SLC5A3: variants seen among roughly 807,000 people sequenced by gnomAD.
The protein encoded by SLC5A3 is sodium/myo-inositol cotransporter.
In SLC5A3, 10 loss-of-function variants were observed where a neutral mutation model predicts 43.2. The ratio of observed to expected loss-of-function variants is 0.23; its 90% CI spans 0.14 to 0.39. The LOEUF (loss-of-function observed/expected upper bound fraction) is 0.39. Among genes scored for constraint, SLC5A3 ranks in the 10% least tolerant of loss-of-function variants. The pLI, the probability that SLC5A3 is intolerant of heterozygous loss-of-function variation, is 1.00. For missense variants in SLC5A3, 608 were observed against 893.4 expected, an observed-to-expected ratio of 0.68 and a Z score of 4.07; for synonymous variants, 349 against 322.0, an observed-to-expected ratio of 1.08 and a Z score of -0.90.
chr21:34,099,225 AT>A lies in SLC5A3; in HGVS notation c.*1873del. Reference sequence around the variant, plus strand: ...CTCAATTTTATTCTTGAGGTTTATAATTTGGGGGCCAAATAGATAGAGCTCA... The same window carrying A: ...CTCAATTTTATTCTTGAGGTTTATAATTGGGGGCCAAATAGATAGAGCTCA... On this transcript the variant is annotated 3_prime_UTR_variant, in exon 2 of 2. Coordinates refer to ENST00000381151, the MANE Select transcript of SLC5A3 (RefSeq NM_006933.7). The A allele has an allele frequency of 1.0e-6, 1 of 1,000,150 alleles. No homozygotes were observed. The highest frequency in any genetic ancestry group is 1.7e-5 in the African/African-American group (1 of 57,324). 62.0% of individuals were successfully genotyped at this position (1,000,150 alleles called of 1,614,324 possible). A position where few individuals can be genotyped will look rare whatever the true frequency, so the allele number is the denominator to read the frequency against.
chr21:34,089,122 G>T (rs559778216), intron 1 of SLC5A3, among the ~76,000 whole-genome samples: 2 of 152,142 alleles, frequency 1.3e-5, no homozygotes, highest in Non-Finnish European at 2.9e-5. Flanking sequence ...CACCTCTCTG[G>T]GTTCAAGCGA....
chr21:34,075,018 G>C (rs773719864), intron 1 of SLC5A3, among the ~76,000 whole-genome samples: 3 of 152,208 alleles, frequency 2.0e-5, no homozygotes, highest in African/African-American at 7.2e-5. Context: ...GATAGTATCT[G>C]TTCAGCCTCT....
chr21:34,101,707 TGAG>T lies in SLC5A3; in HGVS notation c.*4355_*4357del. 1.0e-6 allele frequency: 1 copy of T among 998,790 alleles called. No homozygotes were observed. The highest frequency in any genetic ancestry group is 1.2e-6 in the Non-Finnish European group (1 of 828,734). 61.9% of individuals were successfully genotyped at this position (998,790 alleles called of 1,614,324 possible). ...TGAAAGTGATGTTTTGCCCCAGTAT[TGAG>T]GACTTTTAGATCCAAATAATGACTC... On this transcript the variant is annotated 3_prime_UTR_variant, in exon 2 of 2. Transcript: ENST00000381151.
intron 1 of SLC5A3, among the ~76,000 whole-genome samples, chr21:34,094,481 C>T (rs1030679308): frequency 2.6e-5 from 4 of 151,998 alleles, no homozygotes; most frequent in Non-Finnish European, 5.9e-5. Context: ...ATTTTTGTGC[C>T]CTTATTACGA....
chr21:34,084,410 A>T (rs1202909725), intron 1 of SLC5A3, among the ~76,000 whole-genome samples: 1 of 152,298 alleles, frequency 6.6e-6, no homozygotes. Context: ...AAAAACACAA[A>T]GTTGACCTGG....
intron 1 of SLC5A3, among the ~76,000 whole-genome samples, chr21:34,083,662 T>C (rs1280667318): frequency 6.6e-6 from 1 of 152,224 alleles, no homozygotes; most frequent in African/African-American, 2.4e-5. Flanking sequence ...GTATGAAGTA[T>C]AGTATCTTGA....
intron 1 of SLC5A3, among the ~76,000 whole-genome samples, chr21:34,082,156 A>G (rs558367514): frequency 6.6e-6 from 1 of 151,966 alleles, no homozygotes; most frequent in African/African-American, 2.4e-5. Flanking sequence ...TGTAATCTAG[A>G]TATTCAGATA....
Position 34,098,769 on chromosome 21 carries a change from C to T in SLC5A3, c.*1414C>T. On this transcript the variant is annotated 3_prime_UTR_variant, in exon 2 of 2. Coordinates refer to ENST00000381151, the MANE Select transcript of SLC5A3 (RefSeq NM_006933.7). ...ACTTGCAGCTAGTGGGTACAGGGTA[C>T]AAAAGATGTTAGAGAAAAGCTCTAC... 1.0e-6 allele frequency: 1 copy of T among 1,000,166 alleles called. No homozygotes were observed. Among genetic ancestry groups the T allele is most frequent in the Non-Finnish European group, 1.2e-6 (1 of 829,970 alleles). 62.0% of individuals were successfully genotyped at this position (1,000,166 alleles called of 1,614,324 possible). A position where few individuals can be genotyped will look rare whatever the true frequency, so the allele number is the denominator to read the frequency against.
Position 34,097,542 on chromosome 21 carries a change from T to G in SLC5A3, c.*187T>G. 7.2e-7 allele frequency: 1 copy of G among 1,381,672 alleles called. No individual in the cohort carries two copies. Among genetic ancestry groups the G allele is most frequent in the Non-Finnish European group, 9.4e-7 (1 of 1,065,098 alleles). 85.6% of individuals were successfully genotyped at this position (1,381,672 alleles called of 1,614,324 possible). On this transcript the variant is annotated 3_prime_UTR_variant, in exon 2 of 2. Coordinates refer to ENST00000381151, the MANE Select transcript of SLC5A3 (RefSeq NM_006933.7). ...AGATGGATTAAAGTAAATCTTCAAC[T>G]TAAGTGAAGCCAAACCTAACAGACT...
At chr21:34,086,588 C>T (rs1044323686) in intron 1 of SLC5A3, among the ~76,000 whole-genome samples, 5 of 151,578 alleles carry the variant, frequency 3.3e-5, no homozygotes, top group African/African-American at 7.3e-5. Context: ...CGTTCTTCAT[C>T]TTTATTTCAG....
intron 1 of SLC5A3, among the ~76,000 whole-genome samples, chr21:34,076,751 A>G (rs1989342069): frequency 6.6e-6 from 1 of 152,248 alleles, no homozygotes; most frequent in African/African-American, 2.4e-5. Context: ...CTAGGCCTTT[A>G]AAGGTGACAA....
In SLC5A3 at chr21:34,102,295, TTC is replaced by T; in HGVS notation, c.*4948_*4949del. ...GTCATATAAATGTTTTTATTTAAACTTCTCTCTCTTCAATGCTGAGAATAAGG... is the reference window on the plus strand; with the variant it reads ...GTCATATAAATGTTTTTATTTAAACTTCTCTCTTCAATGCTGAGAATAAGG... On this transcript the variant is annotated 3_prime_UTR_variant, in exon 2 of 2. Transcript: ENST00000381151. 2 of 999,164 alleles carry T rather than the reference TTC, an allele frequency of 2.0e-6. No individual in the cohort carries two copies. The highest frequency in any genetic ancestry group is 2.4e-6 in the Non-Finnish European group (2 of 829,094). 61.9% of individuals were successfully genotyped at this position (999,164 alleles called of 1,614,324 possible).
In SLC5A3 at chr21:34,099,603, A is replaced by G; in HGVS notation, c.*2248A>G. The G allele has an allele frequency of 1.0e-6, 1 of 953,200 alleles. No individual in the cohort carries two copies. The highest frequency in any genetic ancestry group is 1.3e-6 in the Non-Finnish European group (1 of 789,936). The allele number at this position is 953,200 out of a possible 1,614,324, so 59.0% of individuals were successfully genotyped here. On this transcript the variant is annotated 3_prime_UTR_variant, in exon 2 of 2. Coordinates refer to ENST00000381151, the MANE Select transcript of SLC5A3 (RefSeq NM_006933.7). ...CGTAAATGAATAGGAGGTGTTTGTG[A>G]TTTTTTTTTTCTCCCTTTATTTAAC...
At chr21:34,081,850 T>C (rs1336867568) in intron 1 of SLC5A3, among the ~76,000 whole-genome samples, 1 of 152,192 alleles carries the variant, frequency 6.6e-6, no homozygotes, top group Non-Finnish European at 1.5e-5. Flanking sequence ...AAACTTATTA[T>C]ATCTAAGTTT....
At position 34,100,892 on chromosome 21, in the gene SLC5A3, C is replaced by T. The variant is rs1368388393; in HGVS notation, c.*3537C>T. On this transcript the variant is annotated 3_prime_UTR_variant, in exon 2 of 2. Transcript: ENST00000381151. ...TTATTAGCTACTCAGTTACTTGCTA[C>T]TCAAAGGTTAGGTCTTCCCTGTTCC... The T allele has an allele frequency of 2.0e-6, 2 of 1,000,162 alleles. No homozygotes were observed. Among genetic ancestry groups the T allele is most frequent in the Non-Finnish European group, 2.4e-6 (2 of 829,930 alleles). The allele number at this position is 1,000,162 out of a possible 1,614,324, so 62.0% of individuals were successfully genotyped here.
rs1393715334 is a variant in SLC5A3, at chr21:34,095,797, T to C, written c.599T>C (p.Met200Thr). ...ATGATCATTGGGGCACTTACACTTA[T>C]GATTATTAGCATAATGGAGATTGGC... ...LLMIIGALTL[M>T]IISIMEIGGF... The change falls in exon 2 of 2, where the codon ATG becomes ACG. Residue 200 changes from methionine to threonine, a missense_variant. Physicochemically the swap from Met to Thr is moderately conservative, Grantham distance 81 (BLOSUM62 -1). Transcript: ENST00000381151. The C allele has an allele frequency of 2.5e-6, 4 of 1,614,102 alleles. No homozygotes were observed. Among genetic ancestry groups the C allele is most frequent in the East Asian group, 2.2e-5 (1 of 44,882 alleles).
chr21:34,100,202 A>C lies in SLC5A3; in HGVS notation c.*2847A>C. ...GGTAGAGAAAAATAAATGTCTTACCAGGTGTTAATGGTATCCCCAGTTCTT... is the reference window on the plus strand; with the variant it reads ...GGTAGAGAAAAATAAATGTCTTACCCGGTGTTAATGGTATCCCCAGTTCTT... On this transcript the variant is annotated 3_prime_UTR_variant, in exon 2 of 2. Coordinates refer to ENST00000381151, the MANE Select transcript of SLC5A3 (RefSeq NM_006933.7). 1 of 1,000,284 alleles carries C rather than the reference A, an allele frequency of 1.0e-6. No homozygotes were observed. Among genetic ancestry groups the C allele is most frequent in the Non-Finnish European group, 1.2e-6 (1 of 829,980 alleles). The allele number at this position is 1,000,284 out of a possible 1,614,324, so 62.0% of individuals were successfully genotyped here. A position where few individuals can be genotyped will look rare whatever the true frequency, so the allele number is the denominator to read the frequency against.
In SLC5A3 at chr21:34,081,393, G is replaced by A. The variant is rs373077831; in HGVS notation, c.-337+7648G>A. On this transcript the variant is annotated intron_variant, in intron 1 of 1. Transcript: ENST00000381151. ...ATACTTAATAAAATACTTAAGGTAC[G>A]TATATATAGTTTTATGACTGGATAT... Among the ~76,000 whole-genome samples, 66 of 152,260 alleles carry A rather than the reference G, an allele frequency of 4.3e-4. No individual in the cohort carries two copies. In the South Asian group the frequency reaches 7.5e-3, roughly 17 times the overall value.
chr21:34,102,311 C>G lies in SLC5A3; in HGVS notation c.*4956C>G. 1.0e-6 allele frequency: 1 copy of G among 998,132 alleles called. No individual in the cohort carries two copies. The highest frequency in any genetic ancestry group is 1.2e-6 in the Non-Finnish European group (1 of 828,172). 61.8% of individuals were successfully genotyped at this position (998,132 alleles called of 1,614,324 possible). On this transcript the variant is annotated 3_prime_UTR_variant, in exon 2 of 2. Transcript: ENST00000381151. Reference sequence around the variant, plus strand: ...TATTTAAACTTCTCTCTCTTCAATGCTGAGAATAAGGCTTTAAATTACTGA... The same window carrying G: ...TATTTAAACTTCTCTCTCTTCAATGGTGAGAATAAGGCTTTAAATTACTGA...
Sources: gnomAD v4.1 joint callset for allele counts (sites outside exome capture counted in the v4.1 genomes callset) on GRCh38, gnomAD v4.1.1 for gene constraint, MANE v1.5 for transcripts, NCBI Gene and HGNC (gene_info 2026-07-23, HGNC 2026-07-21) for gene names.